The following CIC variants were observed in gnomAD, a reference collection of about 807,000 sequenced individuals.
CIC encodes the protein protein capicua homolog.
In CIC, 18 loss-of-function variants were observed where a neutral mutation model predicts 115.7. The ratio of observed to expected loss-of-function variants is 0.16; its 90% CI spans 0.11 to 0.23. CIC has a LOEUF of 0.23. Ranked by LOEUF, CIC falls within the 10% of genes least tolerant of loss-of-function variation. The probability of loss-of-function intolerance (pLI) is 1.00; values close to 1 mark genes in which losing one functional copy is unlikely to be tolerated. For missense variants in CIC, 2,000 were observed against 2,159.3 expected (o/e 0.93, Z 1.46); for synonymous variants, 1,076 against 923.0 (o/e 1.17, Z -3.01).
chr19:42,286,496 T>C (rs1219829360), intron 2 of CIC, among the ~76,000 whole-genome samples: 1 of 151,846 alleles, frequency 6.6e-6, no homozygotes, highest in Admixed American at 6.6e-5. Flanking sequence ...GCCTGGTCCC[T>C]GGTGGCAGGG....
In CIC at chr19:42,279,113, G is replaced by A. The variant is rs551892590; in HGVS notation, c.2794+4536G>A. ...CCCCAATGGGTAGGGCCTCAGAGACGAGGCAGTACCCACCAACTATGCTTG... is the reference window on the plus strand; with the variant it reads ...CCCCAATGGGTAGGGCCTCAGAGACAAGGCAGTACCCACCAACTATGCTTG... On this transcript the variant is annotated intron_variant, in intron 2 of 20. Transcript: ENST00000681038. 4.6e-5 allele frequency among the ~76,000 whole-genome samples: 7 copies of A among 152,346 alleles called. No individual in the cohort carries two copies. The East Asian group carries it at 9.6e-4, about 21-fold the overall frequency.
intron 12 of CIC, 51 bp downstream of exon 12, chr19:42,291,796 A>G (rs1439791595): frequency 3.1e-6 from 5 of 1,601,376 alleles, no homozygotes; most frequent in East Asian, 2.2e-5. Context: ...CCTGTACCCC[A>G]TCATTTCTTT....
Position 42,291,063 on chromosome 19 carries a change from G to A in CIC, c.5022G>A (p.Val1674=). The change falls in exon 11 of 21, where the codon GTG becomes GTA. Residue 1674 remains valine, a synonymous_variant. Transcript: ENST00000681038. ...KAPATVTNLL[V]GTPGYGAPAP... Reference sequence around the variant, plus strand: ...CTGCCACTGTCACTAACCTACTGGTGGGCACCCCGGGGTATGGGGCCCCTG... The same window carrying A: ...CTGCCACTGTCACTAACCTACTGGTAGGCACCCCGGGGTATGGGGCCCCTG... 1 of 1,613,862 alleles carries A rather than the reference G, an allele frequency of 6.2e-7. No homozygotes were observed. The highest frequency in any genetic ancestry group is 1.1e-5 in the South Asian group (1 of 91,080).
Position 42,293,492 on chromosome 19 carries a change from G to A in CIC, c.6523-100G>A, listed in dbSNP as rs956621643. ...TGAGGCCGTGTGACAGCCTTCTCAA[G>A]GGGTCTGCTGGGCGGGCTCAGATCC... On this transcript the variant is annotated intron_variant, in intron 16 of 20. Transcript: ENST00000681038. 7 of 1,583,738 alleles carry A rather than the reference G, an allele frequency of 4.4e-6. No homozygotes were observed. In the Admixed American group the frequency reaches 1.2e-4, roughly 27 times the overall value.
rs1421841829 is a variant in CIC at position 42,273,172 on chromosome 19, G to A, written c.1389G>A (p.Gly463=). 2 of 398,682 alleles carry A rather than the reference G, an allele frequency of 5.0e-6. No homozygotes were observed. Among genetic ancestry groups the A allele is most frequent in the Non-Finnish European group, 8.8e-6 (2 of 226,204 alleles). 24.7% of individuals were successfully genotyped at this position (398,682 alleles called of 1,614,324 possible). The change falls in exon 2 of 21, where the codon GGG becomes GGA. Residue 463 remains glycine (G), a synonymous_variant. Transcript: ENST00000681038. ...RSSSVASLEK[G]TAPAARARTP... Reference sequence around the variant, plus strand: ...GCAGCGTGGCCTCCCTGGAAAAGGGGACAGCACCGGCAGCCCGGGCCCGCA... The same window carrying A: ...GCAGCGTGGCCTCCCTGGAAAAGGGAACAGCACCGGCAGCCCGGGCCCGCA...
rs1363656719 is a variant in CIC, at chr19:42,291,211, G to A, written c.5170G>A (p.Ala1724Thr). Reference protein sequence around the residue: ...PVPLGILQPGALGKAGGITQV... With the variant: ...PVPLGILQPGTLGKAGGITQV... Reference sequence around the variant, plus strand: ...ACCCCTGGGCATCCTGCAACCAGGTGCCCTGGGCAAGGCTGGGGGAATCAC... The same window carrying A: ...ACCCCTGGGCATCCTGCAACCAGGTACCCTGGGCAAGGCTGGGGGAATCAC... The change falls in exon 11 of 21, where the codon GCC becomes ACC. Residue 1724 changes from alanine to threonine, a missense_variant. By Grantham distance (58) the Ala-to-Thr change is moderately conservative. Coordinates refer to ENST00000681038, the MANE Select transcript of CIC (RefSeq NM_001386298.1). The A allele has an allele frequency of 2.5e-6, 4 of 1,610,776 alleles. No individual in the cohort carries two copies. In the Admixed American group the frequency reaches 5.0e-5, roughly 20 times the overall value.
At position 42,273,510 on chromosome 19, in the gene CIC, G is replaced by A; in HGVS notation, c.1727G>A (p.Arg576His). The A allele has an allele frequency of 7.5e-6, 3 of 398,506 alleles. No individual in the cohort carries two copies. Among genetic ancestry groups the A allele is most frequent in the Admixed American group, 4.4e-5 (1 of 22,730 alleles). 24.7% of individuals were successfully genotyped at this position (398,506 alleles called of 1,614,324 possible). A position where few individuals can be genotyped will look rare whatever the true frequency, so the allele number is the denominator to read the frequency against. Residue 576 changes from arginine (R) to histidine (H), a missense_variant, in exon 2 of 21, where the codon CGT (arginine) becomes CAT (histidine). By Grantham distance (29) the Arg-to-His change is conservative (BLOSUM62 0). Coordinates refer to ENST00000681038, the MANE Select transcript of CIC (RefSeq NM_001386298.1). Reference sequence around the variant, plus strand: ...AGTGAGGCCAGCAGTGTGGCGGCTCGTGGAGACTCACGGCCACGCCTGGTG... The same window carrying A: ...AGTGAGGCCAGCAGTGTGGCGGCTCATGGAGACTCACGGCCACGCCTGGTG... ...RDSEASSVAA[R>H]GDSRPRLVAP...
chr19:42,287,970 C>T lies in CIC; in HGVS notation c.3653C>T (p.Pro1218Leu), dbSNP rs1450269235. The change falls in exon 7 of 21, where the codon CCT (proline) becomes CTT (leucine). Residue 1218 changes from proline (P) to leucine (L), a missense_variant. Physicochemically the swap from Pro to Leu is moderately conservative, Grantham distance 98. Transcript: ENST00000681038. This position sits in a 1 kb window ranked among gnomAD's most constrained non-coding sequence, Gnocchi z 8.7. ...SMSETGTAAA[P>L]GVSSELLSVA... Reference sequence around the variant, plus strand: ...TCGGAGACGGGCACTGCTGCTGCCCCTGGGGGTTAGTCAGCCCCTTGGCTC... The same window carrying T: ...TCGGAGACGGGCACTGCTGCTGCCCTTGGGGGTTAGTCAGCCCCTTGGCTC... 2.5e-6 allele frequency: 4 copies of T among 1,591,168 alleles called. No individual in the cohort carries two copies. Among genetic ancestry groups the T allele is most frequent in the Middle Eastern group, 1.7e-4 (1 of 6,024 alleles).
At position 42,272,343 on chromosome 19, in the gene CIC, C is replaced by T. The variant is rs2036820528; in HGVS notation, c.560C>T (p.Pro187Leu). 2.5e-6 allele frequency: 1 copy of T among 398,458 alleles called. No homozygotes were observed. Among genetic ancestry groups the T allele is most frequent in the Admixed American group, 4.4e-5 (1 of 22,724 alleles). 24.7% of individuals were successfully genotyped at this position (398,458 alleles called of 1,614,324 possible). Residue 187 changes from proline to leucine, a missense_variant, in exon 2 of 21, where the codon CCT becomes CTT. Transcript: ENST00000681038. Reference sequence around the variant, plus strand: ...CCGGCTGAGGCTTGTGGTCCAGGCCCTTGGCCCCCTGGCAGCACCAGTGGC... The same window carrying T: ...CCGGCTGAGGCTTGTGGTCCAGGCCTTTGGCCCCCTGGCAGCACCAGTGGC... ...DEPAEACGPG[P>L]WPPGSTSGSY... is the part of the protein sequence containing the mutation.
upstream of CIC, among the ~76,000 whole-genome samples, chr19:42,268,875 T>G (rs2036659479): frequency 6.6e-6 from 1 of 152,248 alleles, no homozygotes; most frequent in Non-Finnish European, 1.5e-5. Context: ...TCCTTTCATT[T>G]CATTGGCTAC....
intron 2 of CIC, chr19:42,284,184 C>T (rs934096378): frequency 6.8e-6 from 1 of 147,044 alleles, no homozygotes; most frequent in Non-Finnish European, 1.5e-5. Flanking sequence ...GGCCCGGGGC[C>T]CGGAAAGGCG....
At chr19:42,288,035 C>A (rs2037780737) in intron 7 of CIC, 60 bp downstream of exon 7, 1 of 1,539,522 alleles carries the variant, frequency 6.5e-7, no homozygotes, top group Non-Finnish European at 8.8e-7. Context: ...CCACCAGCTA[C>A]CCCCTTGCTT....
chr19:42,281,336 C>T (rs1449029892), intron 2 of CIC, among the ~76,000 whole-genome samples: 3 of 152,196 alleles, frequency 2.0e-5, no homozygotes, highest in Non-Finnish European at 4.4e-5. Flanking sequence ...CTGTCAGCAT[C>T]CCTGGCTGCT....
Position 42,287,921 on chromosome 19 carries a change from A to G in CIC, c.3604A>G (p.Lys1202Glu). ...PTSLGLAGGH[K>E]ETRERSMSET... ...GAGCCTGGGGCTGGCAGGAGGGCAC[A>G]AGGAGACGCGGGAGCGGAGCATGTC... is the stretch of plus-strand genomic sequence containing the variant. Residue 1202 changes from lysine to glutamate, a missense_variant, in exon 7 of 21, where the codon AAG (lysine) becomes GAG (glutamate). Coordinates refer to ENST00000681038, the MANE Select transcript of CIC (RefSeq NM_001386298.1). The surrounding 1 kb of genome is among the most constrained non-coding windows in gnomAD (Gnocchi z 8.7). 1 of 1,608,652 alleles carries G rather than the reference A, an allele frequency of 6.2e-7. No homozygotes were observed. The highest frequency in any genetic ancestry group is 8.5e-7 in the Non-Finnish European group (1 of 1,177,750).
rs749107263 is a variant in CIC, at chr19:42,292,294, C to T, written c.5736-6C>T. 3.3e-5 allele frequency: 54 copies of T among 1,613,162 alleles called. No individual in the cohort carries two copies. Among genetic ancestry groups the T allele is most frequent in the East Asian group, 3.3e-4 (15 of 44,898 alleles). ...TCACTCCTCCCCATTTCCTCTCCTG[C>T]GGCAGAATCACCTATGTGCAGTCAG... On this transcript the variant is annotated splice_region_variant and splice_polypyrimidine_tract_variant and intron_variant, in intron 13 of 20. Transcript: ENST00000681038.
Position 42,287,135 on chromosome 19 carries a change from T to G in CIC, c.3074T>G (p.Val1025Gly). ...CCCGGACCCCCACACCCTTTGGGGG[T>G]GGTGGAATCTGGTAAGGGTCCGCCT... ...PGPGPPHPLG[V>G]VESGKGPPPT... The change falls in exon 4 of 21, where the codon GTG becomes GGG. Residue 1025 changes from valine (V) to glycine (G), a missense_variant. Coordinates refer to ENST00000681038, the MANE Select transcript of CIC (RefSeq NM_001386298.1). This position sits in a 1 kb window ranked among gnomAD's most constrained non-coding sequence, Gnocchi z 8.7. 1 of 1,612,378 alleles carries G rather than the reference T, an allele frequency of 6.2e-7. No homozygotes were observed. The highest frequency in any genetic ancestry group is 8.5e-7 in the Non-Finnish European group (1 of 1,179,620).
intron 2 of CIC, among the ~76,000 whole-genome samples, chr19:42,276,913 G>C (rs1191783185): frequency 2.0e-5 from 3 of 152,168 alleles, no homozygotes; most frequent in African/African-American, 7.2e-5. Context: ...TTCCAGATGA[G>C]GAAAAGTGAG....
chr19:42,294,644 C>G lies in CIC; in HGVS notation c.7095C>G (p.Asp2365Glu), dbSNP rs146337288. 1.0e-4 allele frequency: 169 copies of G among 1,613,690 alleles called. No homozygotes were observed. Among genetic ancestry groups the G allele is most frequent in the Non-Finnish European group, 1.3e-4 (157 of 1,180,000 alleles). The change falls in exon 20 of 21, where the codon GAC becomes GAG. Residue 2365 changes from aspartate (D) to glutamate (E), a missense_variant. By Grantham distance (45) the Asp-to-Glu change is conservative. Coordinates refer to ENST00000681038, the MANE Select transcript of CIC (RefSeq NM_001386298.1). ...AEDVLGELEYDKVPYSSLRRT... is the reference protein window; with the variant it reads ...AEDVLGELEYEKVPYSSLRRT... ...ACGTGCTTGGGGAGCTAGAGTATGA[C>G]AAGGTGCCATACTCCTCCCTGCGGC...
chr19:42,294,779 T>C (rs538856691), intron 20 of CIC, 44 bp downstream of exon 20: 151 of 1,609,400 alleles, frequency 9.4e-5, no homozygotes, highest in Non-Finnish European at 1.0e-4. Context: ...GTGGGACTTA[T>C]CTGTACATCT....
Sources: allele counts gnomAD v4.1 joint callset (sites outside exome capture counted in the v4.1 genomes callset), GRCh38; gene constraint gnomAD v4.1.1; non-coding constraint Gnocchi (gnomAD v3.1); transcripts MANE v1.5; gene names NCBI Gene and HGNC (gene_info 2026-07-23, HGNC 2026-07-21).